PDK1: variants seen among roughly 807,000 people sequenced by gnomAD.
The protein encoded by PDK1 is pyruvate dehydrogenase kinase 1, also known as [Pyruvate dehydrogenase (acetyl-transferring)] kinase isozyme 1, mitochondrial.
PDK1 carries 39 observed loss-of-function variants against 54.2 expected under a neutral mutation model. That is an observed-to-expected ratio of 0.72 (90% CI 0.56 to 0.94). PDK1 has a LOEUF of 0.94. Among genes scored for constraint, PDK1 ranks in the 40% least tolerant of loss-of-function variants. The pLI is 0.00. For missense variants in PDK1, 552 were observed against 566.0 expected (o/e 0.98, Z 0.25); for synonymous variants, 221 against 207.1 (o/e 1.07, Z -0.58).
the PDK1 span, among the ~76,000 whole-genome samples, chr2:172,705,504 A>G: frequency 6.6e-6 from 1 of 152,190 alleles, no homozygotes; most frequent in African/African-American, 2.4e-5. Context: ...CTGCCACTGT[A>G]TGTTTCGCTT....
downstream of PDK1, among the ~76,000 whole-genome samples, chr2:172,611,571 T>C (rs1691461719): frequency 1.3e-5 from 2 of 152,212 alleles, no homozygotes; most frequent in South Asian, 4.1e-4. Flanking sequence ...AGACTAGTTT[T>C]ACCGTGATGC....
chr2:172,569,968 G>A (rs781188721), intron 7 of PDK1, among the ~76,000 whole-genome samples: 13 of 152,140 alleles, frequency 8.5e-5, no homozygotes, highest in Non-Finnish European at 1.5e-4. Flanking sequence ...GTATTATATT[G>A]TACATAATGT....
At position 172,556,195 on chromosome 2, in the gene PDK1, G is replaced by T; in HGVS notation, c.45G>T (p.Pro15=). The change falls in exon 1 of 11, where the codon CCG becomes CCT. Residue 15 remains proline (P), a synonymous_variant. Coordinates refer to ENST00000282077, the MANE Select transcript of PDK1 (RefSeq NM_002610.5). ...TTCGCGGAGCCGCCTTGGCCGGCCC[G>T]GGCCCGGGGCTGCGCGCCGCCGGCT... ...RLLRGAALAG[P]GPGLRAAGFS... The T allele has an allele frequency of 7.1e-7, 1 of 1,413,124 alleles. No homozygotes were observed. Among genetic ancestry groups the T allele is most frequent in the South Asian group, 1.5e-5 (1 of 66,940 alleles). The allele number at this position is 1,413,124 out of a possible 1,614,324, so 87.5% of individuals were successfully genotyped here. A position where few individuals can be genotyped will look rare whatever the true frequency, so the allele number is the denominator to read the frequency against.
At chr2:172,568,327 CAAAAAAAAAAA>C (rs11400625) in intron 6 of PDK1, among the ~76,000 whole-genome samples, 355 of 57,118 alleles carry the variant, frequency 6.2e-3, no homozygotes, top group Non-Finnish European at 0.01. Flanking sequence ...GACTCCGTCT[CAAAAAAAAAAA>C]AAAAAAAAAA....
the PDK1 span, among the ~76,000 whole-genome samples, chr2:172,660,965 A>G: frequency 3.3e-5 from 5 of 152,170 alleles, no homozygotes; most frequent in Admixed American, 3.3e-4. Context: ...TGGTAGTGAT[A>G]TAAATAAGTT....
At chr2:172,700,868 C>A in the PDK1 span, among the ~76,000 whole-genome samples, 2 of 152,258 alleles carry the variant, frequency 1.3e-5, no homozygotes, top group East Asian at 3.9e-4. Context: ...TCAGGCATGG[C>A]GGCGCACGCC....
chr2:172,566,754 G>T, intron 5 of PDK1, 102 bp from the exon 6 acceptor site: 1 of 575,842 alleles, frequency 1.7e-6, no homozygotes, highest in Non-Finnish European at 2.9e-6. Context: ...TTCTTCTGTA[G>T]AGAGTTCAAG....
rs1445615433 is a variant in PDK1 at position 172,595,406 on chromosome 2, G to GA, written c.1171-416dup. On this transcript the variant is annotated intron_variant, in intron 10 of 10. Coordinates refer to ENST00000282077, the MANE Select transcript of PDK1 (RefSeq NM_002610.5). Reference sequence around the variant, plus strand: ...TTTTTTAAAGCACAGTGACTATGCTGAAAAAAACACTATTTCTTCTAGTAA... The same window carrying GA: ...TTTTTTAAAGCACAGTGACTATGCTGAAAAAAAACACTATTTCTTCTAGTAA... Among the ~76,000 whole-genome samples the GA allele has an allele frequency of 7.2e-5, 11 of 151,984 alleles. No homozygotes were observed. The East Asian group carries it at 9.6e-4, about 13-fold the overall frequency.
the PDK1 span, among the ~76,000 whole-genome samples, chr2:172,717,435 G>A: frequency 6.6e-6 from 1 of 152,188 alleles, no homozygotes; most frequent in African/African-American, 2.4e-5. Flanking sequence ...GGGGTAATTG[G>A]TTGTGTAATA....
rs1690908548 is a variant in PDK1, at chr2:172,596,606, C to CT, written c.*641dup. ...GATCTATGCCAAAATCATGGGCCAT[C>CT]TTTTCTAAGTGTACTTCTGATTAAT... On this transcript the variant is annotated 3_prime_UTR_variant, in exon 11 of 11. Coordinates refer to ENST00000282077, the MANE Select transcript of PDK1 (RefSeq NM_002610.5). 6.6e-6 allele frequency: 1 copy of CT among 152,160 alleles called. No homozygotes were observed. Among genetic ancestry groups the CT allele is most frequent in the South Asian group, 2.1e-4 (1 of 4,826 alleles). The allele number at this position is 152,160 out of a possible 1,614,324, so 9.4% of individuals were successfully genotyped here.
At chr2:172,698,226 A>G in the PDK1 span, among the ~76,000 whole-genome samples, 1 of 152,140 alleles carries the variant, frequency 6.6e-6, no homozygotes, top group African/African-American at 2.4e-5. Flanking sequence ...CCAAATATTT[A>G]GAGTTTCTAA....
chr2:172,564,426 A>G (rs1688824204), intron 3 of PDK1, 77 bp from the exon 4 acceptor site: 21 of 1,150,134 alleles, frequency 1.8e-5, no homozygotes, highest in Non-Finnish European at 2.5e-5. Flanking sequence ...TGTCTAGCAT[A>G]GTTGGTTAAG....
At chr2:172,578,082 T>C (rs1253784443) in intron 8 of PDK1, among the ~76,000 whole-genome samples, 1 of 152,228 alleles carries the variant, frequency 6.6e-6, no homozygotes, top group Non-Finnish European at 1.5e-5. Context: ...TTTTGAAGGA[T>C]AGTTTTGCTG....
At chr2:172,707,308 G>A in the PDK1 span, among the ~76,000 whole-genome samples, 3 of 152,312 alleles carry the variant, frequency 2.0e-5, no homozygotes, top group South Asian at 2.1e-4. Flanking sequence ...TGTCATTACA[G>A]CCTGGTGTGG....
chr2:172,680,328 G>T, the PDK1 span, among the ~76,000 whole-genome samples: 1 of 152,010 alleles, frequency 6.6e-6, no homozygotes, highest in Non-Finnish European at 1.5e-5. Context: ...TAAATGAATT[G>T]TACTATCCTT....
At position 172,600,632 on chromosome 2, in the gene PDK1, C is replaced by G. The variant is rs1691081397; in HGVS notation, c.*4663C>G. 1 of 152,122 alleles carries G rather than the reference C, an allele frequency of 6.6e-6. No individual in the cohort carries two copies. The highest frequency in any genetic ancestry group is 2.4e-5 in the African/African-American group (1 of 41,426). 9.4% of individuals were successfully genotyped at this position (152,122 alleles called of 1,614,324 possible). A position where few individuals can be genotyped will look rare whatever the true frequency, so the allele number is the denominator to read the frequency against. On this transcript the variant is annotated 3_prime_UTR_variant, in exon 11 of 11. Transcript: ENST00000282077. ...AACAGCTCTGTTACAGAGAGGGGTTCCGAGCAGGTTGCCAAGTTGTAGTAA... is the reference window on the plus strand; with the variant it reads ...AACAGCTCTGTTACAGAGAGGGGTTGCGAGCAGGTTGCCAAGTTGTAGTAA...
Position 172,587,278 on chromosome 2 carries a change from G to C in PDK1, c.1056+890G>C, listed in dbSNP as rs118107311. ...GATGTGTCTGGAGTTTCTTCCTCCC[G>C]GTGAGTTCCTGGTTTTGCTGGCTTC... On this transcript the variant is annotated intron_variant, in intron 9 of 10. Transcript: ENST00000282077. 1.1e-4 allele frequency among the ~76,000 whole-genome samples: 16 copies of C among 152,112 alleles called. 1 individual carries two copies. Among genetic ancestry groups the C allele is most frequent in the South Asian group, 2.1e-4 (1 of 4,824 alleles).
intron 8 of PDK1, among the ~76,000 whole-genome samples, chr2:172,584,370 CT>C (rs1332929843): frequency 6.7e-6 from 1 of 149,420 alleles, no homozygotes. Flanking sequence ...TTCTTTGTAA[CT>C]GTTTTTTTTT....
the PDK1 span, among the ~76,000 whole-genome samples, chr2:172,648,700 C>T: frequency 3.3e-5 from 5 of 152,162 alleles, no homozygotes; most frequent in South Asian, 2.1e-4. Context: ...GCGCCTGGCT[C>T]GGAGGGTCCC....
Sources: gnomAD v4.1 joint callset for allele counts (sites outside exome capture counted in the v4.1 genomes callset) on GRCh38, gnomAD v4.1.1 for gene constraint, MANE v1.5 for transcripts, NCBI Gene and HGNC (gene_info 2026-07-23, HGNC 2026-07-21) for gene names.